Variants in QTMAN observed in about 807,000 individuals in gnomAD.
QTMAN encodes the protein tRNA-queuosine alpha-mannosyltransferase.
the QTMAN span, chr2:143,942,836 T>C: frequency 6.1e-6 from 1 of 164,848 alleles, no homozygotes; most frequent in Non-Finnish European, 1.5e-5. Flanking sequence ...AGCAGTTTTC[T>C]GACTCAATCA....
chr2:144,330,490 G>C, the QTMAN span, among the ~76,000 whole-genome samples: 1 of 152,160 alleles, frequency 6.6e-6, no homozygotes. Context: ...CCAATCTGCT[G>C]GAAGTGACGT....
At chr2:143,964,626 CAG>C in the QTMAN span, among the ~76,000 whole-genome samples, 1 of 151,998 alleles carries the variant, frequency 6.6e-6, no homozygotes, top group Non-Finnish European at 1.5e-5. Flanking sequence ...GAAAATGAGA[CAG>C]GAGCTGGGAG....
chr2:144,004,863 G>A, the QTMAN span, among the ~76,000 whole-genome samples: 3 of 152,036 alleles, frequency 2.0e-5, no homozygotes, highest in East Asian at 1.9e-4. Context: ...TGACTGCCTC[G>A]GAATTAGAAT....
the QTMAN span, among the ~76,000 whole-genome samples, chr2:144,179,847 G>A: frequency 1.3e-5 from 2 of 152,206 alleles, no homozygotes; most frequent in African/African-American, 2.4e-5. Context: ...GATGGACTTA[G>A]TACTTAAGTT....
the QTMAN span, among the ~76,000 whole-genome samples, chr2:144,025,030 T>C: frequency 6.6e-6 from 1 of 152,218 alleles, no homozygotes; most frequent in African/African-American, 2.4e-5. Context: ...ACTTTTCCTA[T>C]CATCCTGGCA....
the QTMAN span, among the ~76,000 whole-genome samples, chr2:144,135,481 C>T: frequency 1.3e-5 from 2 of 152,264 alleles, no homozygotes; most frequent in Non-Finnish European, 2.9e-5. Flanking sequence ...AAGTATTCCT[C>T]CTATTCTGCT....
At chr2:144,084,801 GT>G in the QTMAN span, among the ~76,000 whole-genome samples, 1 of 149,422 alleles carries the variant, frequency 6.7e-6, no homozygotes, top group Non-Finnish European at 1.5e-5. Context: ...TAGTTTATTT[GT>G]GGTAAACATG....
At chr2:144,112,158 A>C in the QTMAN span, among the ~76,000 whole-genome samples, 1 of 152,246 alleles carries the variant, frequency 6.6e-6, no homozygotes, top group Non-Finnish European at 1.5e-5. Flanking sequence ...ATAGTTAAGC[A>C]ATTTAACAAA....
chr2:144,249,230 G>A, the QTMAN span, among the ~76,000 whole-genome samples: 10 of 152,086 alleles, frequency 6.6e-5, no homozygotes, highest in South Asian at 2.1e-4. Context: ...ACCAGAAAAC[G>A]CTCATTTTTG....
chr2:144,117,471 A>G, the QTMAN span, among the ~76,000 whole-genome samples: 1 of 152,230 alleles, frequency 6.6e-6, no homozygotes, highest in South Asian at 2.1e-4. Flanking sequence ...ATTATAAAAC[A>G]TAAAAACTTT....
At chr2:144,315,281 A>C in the QTMAN span, among the ~76,000 whole-genome samples, 1 of 152,268 alleles carries the variant, frequency 6.6e-6, no homozygotes, top group African/African-American at 2.4e-5. Context: ...AAAGCTGAAA[A>C]TAATATGGAT....
chr2:144,112,622 G>A, the QTMAN span, among the ~76,000 whole-genome samples: 15 of 152,250 alleles, frequency 9.9e-5, 1 homozygote, highest in East Asian at 2.1e-3. Context: ...CGAAAACCAC[G>A]CCCTAACCCT....
chr2:144,007,579 T>A, the QTMAN span: 4 of 1,343,436 alleles, frequency 3.0e-6, no homozygotes, highest in Non-Finnish European at 4.0e-6. Context: ...TGGAAAAAAA[T>A]ATGTAAAATT....
chr2:144,012,570 G>A, the QTMAN span, among the ~76,000 whole-genome samples: 19 of 152,214 alleles, frequency 1.2e-4, no homozygotes, highest in South Asian at 3.1e-3. Context: ...TTCATGTGCC[G>A]TTGAATAGAA....
chr2:143,939,397 G>A, the QTMAN span: 5 of 152,120 alleles, frequency 3.3e-5, no homozygotes, highest in African/African-American at 9.7e-5. Flanking sequence ...AAAGGAGAGC[G>A]GCAATAACTA....
At chr2:144,005,216 A>G in the QTMAN span, among the ~76,000 whole-genome samples, 1 of 152,054 alleles carries the variant, frequency 6.6e-6, no homozygotes, top group Non-Finnish European at 1.5e-5. Flanking sequence ...TATTAAAAAG[A>G]TATATCTATA....
At chr2:143,988,588 A>C in the QTMAN span, among the ~76,000 whole-genome samples, 3 of 152,248 alleles carry the variant, frequency 2.0e-5, no homozygotes, top group South Asian at 6.2e-4. Context: ...CAACAACTCT[A>C]CGAGGTAGAT....
the QTMAN span, among the ~76,000 whole-genome samples, chr2:144,279,001 G>A: frequency 6.6e-6 from 1 of 152,128 alleles, no homozygotes; most frequent in Admixed American, 6.5e-5. Context: ...AGAAGAAAAT[G>A]AGATGTAGGG....
At chr2:144,226,957 G>A in the QTMAN span, among the ~76,000 whole-genome samples, 1 of 152,088 alleles carries the variant, frequency 6.6e-6, no homozygotes, top group Non-Finnish European at 1.5e-5. Context: ...GGCAAAACAA[G>A]CAGATGTAAA....
Sources: gnomAD v4.1 joint callset for allele counts (sites outside exome capture counted in the v4.1 genomes callset) on GRCh38, gnomAD v4.1.1 for gene constraint, MANE v1.5 for transcripts, NCBI Gene and HGNC (gene_info 2026-07-23, HGNC 2026-07-21) for gene names.